FBXW9: variants seen among roughly 807,000 people sequenced by gnomAD.
FBXW9 encodes the protein F-box/WD repeat-containing protein 9.
Under a neutral mutation model 55.8 loss-of-function variants are expected in FBXW9, and 38 were observed. The ratio of observed to expected loss-of-function variants is 0.68; its 90% CI spans 0.53 to 0.89. FBXW9 has a LOEUF of 0.89. FBXW9 is among the 40% of genes least tolerant of loss of function. The probability of loss-of-function intolerance (pLI) is 0.00; values close to 1 mark genes in which losing one functional copy is unlikely to be tolerated. For missense variants in FBXW9, 590 were observed against 619.4 expected, an observed-to-expected ratio of 0.95 and a Z score of 0.50; for synonymous variants, 289 against 278.2, an observed-to-expected ratio of 1.04 and a Z score of -0.38.
chr19:12,694,690 A>G lies in FBXW9; in HGVS notation c.582T>C (p.Asp194=). 6.2e-7 allele frequency: 1 copy of G among 1,614,150 alleles called. No individual in the cohort carries two copies. The highest frequency in any genetic ancestry group is 8.5e-7 in the Non-Finnish European group (1 of 1,180,036). Residue 194 remains aspartate, a synonymous_variant, in exon 3 of 10, where the codon GAT becomes GAC. Transcript: ENST00000393261. The part of the protein sequence containing the change: ...GGSLCLSGSR[D]RNVNLWDLRQ... ...GCAGGTCCCACAAGTTGACGTTGCG[A>G]TCTCGGGAGCCCGACAGACAGAGTG...
chr19:12,689,070 C>T lies in FBXW9; in HGVS notation c.*146G>A, dbSNP rs1166275645. 4 of 762,240 alleles carry T rather than the reference C, an allele frequency of 5.2e-6. No homozygotes were observed. Among genetic ancestry groups the T allele is most frequent in the African/African-American group, 1.7e-5 (1 of 58,412 alleles). The allele number at this position is 762,240 out of a possible 1,614,324, so 47.2% of individuals were successfully genotyped here. A position where few individuals can be genotyped will look rare whatever the true frequency, so the allele number is the denominator to read the frequency against. On this transcript the variant is annotated 3_prime_UTR_variant, in exon 10 of 10. Transcript: ENST00000393261. This position sits in a 1 kb window ranked among gnomAD's most constrained non-coding sequence, Gnocchi z 5.9. ...CCTTCCCCCGGGCATAGGGCCCAGG[C>T]CAGGACGCTCACCCGAATGTGGCTG...
chr19:12,696,408 C>CGCGGCGGGTGTGGATA lies in FBXW9; in HGVS notation c.158_173dup (p.Ser59IlefsTer23), dbSNP rs2025072186. The CGCGGCGGGTGTGGATA allele has an allele frequency of 1.2e-6, 2 of 1,611,388 alleles. No individual in the cohort carries two copies. Among genetic ancestry groups the CGCGGCGGGTGTGGATA allele is most frequent in the African/African-American group, 2.7e-5 (2 of 74,926 alleles). On this transcript the variant is annotated frameshift_variant, in exon 1 of 10. Transcript: ENST00000393261. LOFTEE classifies it high-confidence loss of function. ...CCCGAGGCTCCGAAGCGCTCGGGGA[C>CGCGGCGGGTGTGGATA]GCGGCGGGTGTGGATAGCTGCGAGG... is the stretch of plus-strand genomic sequence containing the variant.
intron 3 of FBXW9, among the ~76,000 whole-genome samples, chr19:12,693,827 G>A (rs572624968): frequency 2.6e-5 from 4 of 151,344 alleles, no homozygotes; most frequent in African/African-American, 9.7e-5. Context: ...GGAGGCAGAG[G>A]TTGCAGTGGG....
chr19:12,695,444 T>C (rs978339044), intron 1 of FBXW9, among the ~76,000 whole-genome samples: 2 of 152,188 alleles, frequency 1.3e-5, no homozygotes, highest in Non-Finnish European at 2.9e-5. Flanking sequence ...TTTATTAAGC[T>C]GTTTGGGAGA....
chr19:12,696,423 T>G lies in FBXW9; in HGVS notation c.159A>C (p.Leu53=). ...SGLAFSRPSQ[L]STPAASPSAS... ...CGCTCGGGGACGCGGCGGGTGTGGA[T>G]AGCTGCGAGGGGCGCGAGAACGCCA... is the stretch of plus-strand genomic sequence containing the variant. Residue 53 remains leucine (L), a synonymous_variant, in exon 1 of 10, where the codon CTA becomes CTC. Coordinates refer to ENST00000393261, the MANE Select transcript of FBXW9 (RefSeq NM_032301.3). The G allele has an allele frequency of 6.2e-7, 1 of 1,611,854 alleles. No individual in the cohort carries two copies.
chr19:12,689,834 T>G lies in FBXW9; in HGVS notation c.1073A>C (p.Gln358Pro). 4 of 1,614,080 alleles carry G rather than the reference T, an allele frequency of 2.5e-6. No individual in the cohort carries two copies. The highest frequency in any genetic ancestry group is 3.4e-6 in the Non-Finnish European group (4 of 1,179,996). ...YLLCMSYQEP[Q>P]LWAGDNQGLL... ...GCCCTGGTTGTCACCAGCCCAGAGCTGGGGTTCCTGGTAGGACATGCAGAG... is the reference window on the plus strand; with the variant it reads ...GCCCTGGTTGTCACCAGCCCAGAGCGGGGGTTCCTGGTAGGACATGCAGAG... The change falls in exon 7 of 10, where the codon CAG becomes CCG. Residue 358 changes from glutamine to proline, a missense_variant. Transcript: ENST00000393261. The surrounding 1 kb of genome is among the most constrained non-coding windows in gnomAD (Gnocchi z 5.9).
rs763731107 is a variant in FBXW9, at chr19:12,689,352, C to T, written c.1302+20G>A. On this transcript the variant is annotated intron_variant, in intron 9 of 9. Transcript: ENST00000393261. This position sits in a 1 kb window ranked among gnomAD's most constrained non-coding sequence, Gnocchi z 5.9. ...TGGCGCTCTGGCCAGCTGGGCAGGG[C>T]ACATGGGGCAGGACCTTACCCTATT... is the stretch of plus-strand genomic sequence containing the variant. The T allele has an allele frequency of 6.2e-7, 1 of 1,614,164 alleles. No homozygotes were observed. Among genetic ancestry groups the T allele is most frequent in the South Asian group, 1.1e-5 (1 of 91,080 alleles).
Position 12,694,720 on chromosome 19 carries a change from A to G in FBXW9, c.552T>C (p.Gly184=). The part of the protein sequence containing the change: ...ASVDSVLLLQ[G]GSLCLSGSRD... Reference sequence around the variant, plus strand: ...GGGAGCCCGACAGACAGAGTGACCCACCCTGGAAAGGGAGCAAGGTGATGT... The same window carrying G: ...GGGAGCCCGACAGACAGAGTGACCCGCCCTGGAAAGGGAGCAAGGTGATGT... Residue 184 remains glycine (G), a splice_region_variant and synonymous_variant, in exon 3 of 10, where the codon GGT becomes GGC. Transcript: ENST00000393261. 2.5e-6 allele frequency: 4 copies of G among 1,613,966 alleles called. No individual in the cohort carries two copies. The highest frequency in any genetic ancestry group is 2.5e-6 in the Non-Finnish European group (3 of 1,179,952).
chr19:12,690,507 C>T (rs2024993053), intron 5 of FBXW9, among the ~76,000 whole-genome samples: 1 of 152,174 alleles, frequency 6.6e-6, no homozygotes, highest in Non-Finnish European at 1.5e-5. Context: ...ATAGGCCAGG[C>T]ACAGTGGCTC....
At chr19:12,693,725 C>T (rs2025042287) in intron 3 of FBXW9, among the ~76,000 whole-genome samples, 1 of 147,764 alleles carries the variant, frequency 6.8e-6, no homozygotes, top group Admixed American at 6.8e-5. Context: ...GAGTGAGATT[C>T]CATTAAAAAA....
In FBXW9 at chr19:12,694,952, C is replaced by T. The variant is rs1177603261; in HGVS notation, c.410-14G>A. The T allele has an allele frequency of 2.5e-6, 4 of 1,609,346 alleles. No homozygotes were observed. Among genetic ancestry groups the T allele is most frequent in the East Asian group, 2.2e-5 (1 of 44,842 alleles). On this transcript the variant is annotated splice_polypyrimidine_tract_variant and intron_variant, in intron 1 of 9. Transcript: ENST00000393261. ...CAAAGTTCTTCTCTGTGGGTTACCACGAGTAGGGTGCCCAGTGGGCAGGGA... is the reference window on the plus strand; with the variant it reads ...CAAAGTTCTTCTCTGTGGGTTACCATGAGTAGGGTGCCCAGTGGGCAGGGA...
intron 1 of FBXW9, 104 bp downstream of exon 1, chr19:12,696,069 A>G: frequency 8.5e-7 from 1 of 1,173,800 alleles, no homozygotes; most frequent in Non-Finnish European, 1.2e-6. Context: ...CGAAGCCTGC[A>G]CCAGAGGCTG....
rs908256044 is a variant in FBXW9, at chr19:12,691,379, C to T, written c.754G>A (p.Asp252Asn). The change falls in exon 4 of 10, where the codon GAC (aspartate) becomes AAC (asparagine). Residue 252 changes from aspartate to asparagine, a missense_variant. Transcript: ENST00000393261. ...GSWDSTVKLW[D>N]MAADGQQFGE... ...AACTGCTGCCCATCCGCTGCCATGT[C>T]CCAGAGCTTCACTGTGCTGTCCCAG... 6.2e-7 allele frequency: 1 copy of T among 1,613,130 alleles called. No individual in the cohort carries two copies. The highest frequency in any genetic ancestry group is 1.3e-5 in the African/African-American group (1 of 75,020).
intron 3 of FBXW9, among the ~76,000 whole-genome samples, chr19:12,694,337 C>CAAAAA (rs1314324715): frequency 1.6e-5 from 1 of 60,620 alleles, no homozygotes; most frequent in Non-Finnish European, 4.0e-5. Context: ...GACTCCGTCT[C>CAAAAA]AAAAAAAAAA....
intron 5 of FBXW9, 140 bp downstream of exon 5, chr19:12,691,026 T>G: frequency 1.3e-6 from 1 of 795,800 alleles, no homozygotes; most frequent in Non-Finnish European, 2.1e-6. Flanking sequence ...AAGTTGCCTG[T>G]ATTGTACCAG....
Position 12,696,244 on chromosome 19 carries a change from A to C in FBXW9, c.338T>G (p.Leu113Arg). 1 of 1,564,776 alleles carries C rather than the reference A, an allele frequency of 6.4e-7. No homozygotes were observed. Among genetic ancestry groups the C allele is most frequent in the Non-Finnish European group, 8.7e-7 (1 of 1,155,428 alleles). ...LSRVCHALRD[L>R]VSDHVTWRLR... ...CCTCCAGGTGACATGGTCAGACACG[A>C]GGTCGCGGAGCGCGTGGCACACCCG... Residue 113 changes from leucine to arginine, a missense_variant, in exon 1 of 10, where the codon CTC (leucine) becomes CGC (arginine). Physicochemically the swap from Leu to Arg is moderately radical, Grantham distance 102. Transcript: ENST00000393261.
At chr19:12,695,697 C>T (rs1053026417) in intron 1 of FBXW9, among the ~76,000 whole-genome samples, 5 of 152,178 alleles carry the variant, frequency 3.3e-5, no homozygotes, top group Admixed American at 6.5e-5. Flanking sequence ...TGTCTCACCC[C>T]TAACTGGGTC....
At chr19:12,690,139 G>C in intron 5 of FBXW9, 29 bp from the exon 6 acceptor site, 1 of 1,612,502 alleles carries the variant, frequency 6.2e-7, no homozygotes, top group Non-Finnish European at 8.5e-7. Context: ...GGTGAGGAGG[G>C]ATATCAGAGC....
chr19:12,696,307 GAGC>G lies in FBXW9; in HGVS notation c.272_274del (p.Cys91del). 1.3e-6 allele frequency: 2 copies of G among 1,583,024 alleles called. No homozygotes were observed. Among genetic ancestry groups the G allele is most frequent in the South Asian group, 1.1e-5 (1 of 87,802 alleles). On this transcript the variant is annotated inframe_deletion, in exon 1 of 10. Coordinates refer to ENST00000393261, the MANE Select transcript of FBXW9 (RefSeq NM_032301.3). ...GAGCACGAGGCGGGCGTCCAGGTAG[GAGC>G]AGATCTCGAGCAGCAGCTCCGGGGG...
Sources: allele counts gnomAD v4.1 joint callset (sites outside exome capture counted in the v4.1 genomes callset), GRCh38; gene constraint gnomAD v4.1.1; non-coding constraint Gnocchi (gnomAD v3.1); transcripts MANE v1.5; gene names NCBI Gene and HGNC (gene_info 2026-07-23, HGNC 2026-07-21).